AFDN: variants seen among roughly 807,000 people sequenced by gnomAD.
AFDN encodes the protein afadin.
AFDN carries 68 observed loss-of-function variants against 216.6 expected under a neutral mutation model. The ratio of observed to expected loss-of-function variants is 0.31; its 90% confidence interval spans 0.26 to 0.38. AFDN has a LOEUF of 0.38. Ranked by LOEUF, AFDN falls within the 10% of genes least tolerant of loss-of-function variation. The pLI is 1.00. For missense variants in AFDN, 2,136 were observed against 2,342.0 expected (o/e 0.91, Z 1.82); for synonymous variants, 868 against 853.7 (o/e 1.02, Z -0.29).
chr6:167,955,314 C>T (rs996088199), intron 30 of AFDN, among the ~76,000 whole-genome samples: 3 of 152,098 alleles, frequency 2.0e-5, no homozygotes, highest in African/African-American at 7.2e-5. Context: ...CTCAGTTTAG[C>T]ACAGCGGTAA....
At chr6:167,877,100 G>C (rs952675304) in intron 5 of AFDN, among the ~76,000 whole-genome samples, 5 of 152,190 alleles carry the variant, frequency 3.3e-5, no homozygotes, top group African/African-American at 1.2e-4. Context: ...CAGTGGGACT[G>C]TAAAGAGAGA....
intron 13 of AFDN, among the ~76,000 whole-genome samples, chr6:167,908,522 CTA>C (rs1259653642): frequency 1.3e-5 from 2 of 152,072 alleles, no homozygotes; most frequent in Non-Finnish European, 2.9e-5. Context: ...AGGAATACCT[CTA>C]TGTATTTCTA....
At chr6:167,893,993 T>C (rs1336619279) in intron 9 of AFDN, 87 bp downstream of exon 9, 10 of 1,004,518 alleles carry the variant, frequency 1.0e-5, no homozygotes, top group East Asian at 2.6e-5. Flanking sequence ...AAATATCTTA[T>C]GTATCAGTTT....
chr6:167,957,406 C>T (rs897060767), intron 30 of AFDN, among the ~76,000 whole-genome samples: 1 of 152,286 alleles, frequency 6.6e-6, no homozygotes, highest in Middle Eastern at 3.4e-3. Flanking sequence ...TGAGTGGGAT[C>T]GGATTCCAGG....
chr6:167,848,725 T>C (rs990501437), intron 1 of AFDN, among the ~76,000 whole-genome samples: 16 of 152,252 alleles, frequency 1.1e-4, no homozygotes, highest in Non-Finnish European at 1.5e-4. Flanking sequence ...TTTGTTGATA[T>C]GCTCTAAAGT....
At chr6:167,868,762 CTTTTT>C (rs35300672) in intron 2 of AFDN, among the ~76,000 whole-genome samples, 2 of 122,560 alleles carry the variant, frequency 1.6e-5, no homozygotes, top group Admixed American at 8.9e-5. Context: ...ATTGTGCAAT[CTTTTT>C]TTTTTTTTTT....
chr6:167,870,788 T>C (rs1784703542), intron 3 of AFDN, among the ~76,000 whole-genome samples: 1 of 152,168 alleles, frequency 6.6e-6, no homozygotes, highest in South Asian at 2.1e-4. Flanking sequence ...ATTTTTTTTT[T>C]CCAAAATATA....
Position 167,875,510 on chromosome 6 carries a change from T to C in AFDN, c.739+15T>C. 1 of 1,612,374 alleles carries C rather than the reference T, an allele frequency of 6.2e-7. No homozygotes were observed. Among genetic ancestry groups the C allele is most frequent in the Non-Finnish European group, 8.5e-7 (1 of 1,179,134 alleles). ...GCCTGATTCAGGTACAACTTGGTATTTTTTCTCTGTTCTACCTGTTACAAA... is the reference window on the plus strand; with the variant it reads ...GCCTGATTCAGGTACAACTTGGTATCTTTTCTCTGTTCTACCTGTTACAAA... On this transcript the variant is annotated intron_variant, in intron 5 of 33. Transcript: ENST00000683244.
At position 167,875,417 on chromosome 6, in the gene AFDN, GT is replaced by G; in HGVS notation, c.663del (p.Met222Ter). On this transcript the variant is annotated frameshift_variant, in exon 5 of 34. Coordinates refer to ENST00000683244, the MANE Select transcript of AFDN (RefSeq NM_001386888.1). LOFTEE classifies it high-confidence loss of function. Reference protein sequence around the residue: ...FTRTISNPEVVMKRRRQQKLE... With the variant: ...FTRTISNPEVXMKRRRQQKLE... ...TCGAACCATTTCTAATCCTGAGGTG[GT>G]TATGAAACGACGGAGGCAGCAAAAA... 6.2e-7 allele frequency: 1 copy of G among 1,614,032 alleles called. No individual in the cohort carries two copies.
intron 2 of AFDN, among the ~76,000 whole-genome samples, chr6:167,865,107 TA>T (rs779027448): frequency 1.1e-4 from 17 of 151,906 alleles, no homozygotes; most frequent in Non-Finnish European, 2.4e-4. Context: ...GAGATTATAA[TA>T]ATTGTAACAC....
At chr6:167,955,363 C>T (rs1053645038) in intron 30 of AFDN, among the ~76,000 whole-genome samples, 1 of 152,160 alleles carries the variant, frequency 6.6e-6, no homozygotes, top group African/African-American at 2.4e-5. Context: ...AAACACCTTC[C>T]CTCCTTGGTG....
Position 167,928,816 on chromosome 6 carries a change from T to C in AFDN, c.3099+3725T>C, listed in dbSNP as rs377131482. Among the ~76,000 whole-genome samples, 118 of 152,290 alleles carry C rather than the reference T, an allele frequency of 7.7e-4. No individual in the cohort carries two copies. In the Middle Eastern group the frequency reaches 0.01, roughly 13 times the overall value. ...ATCCCTAATCCCCTCTTCTGTGGGGTGTGAAGTCCCCTGAGCTGCTGTATG... is the reference window on the plus strand; with the variant it reads ...ATCCCTAATCCCCTCTTCTGTGGGGCGTGAAGTCCCCTGAGCTGCTGTATG... On this transcript the variant is annotated intron_variant, in intron 23 of 33. Transcript: ENST00000683244.
intron 22 of AFDN, among the ~76,000 whole-genome samples, chr6:167,923,813 C>T (rs1464061973): frequency 1.3e-5 from 2 of 151,714 alleles, no homozygotes; most frequent in African/African-American, 2.4e-5. Context: ...TTAGTAGAGA[C>T]GGGGATTCAC....
chr6:167,946,700 A>T lies in AFDN; in HGVS notation c.3359-7A>T. On this transcript the variant is annotated splice_polypyrimidine_tract_variant and splice_region_variant and intron_variant, in intron 26 of 33. Transcript: ENST00000683244. ...CTTAAGAGATACTGAATATGCTTTG[A>T]TTCCAGTTTCAGATCGTCGTGGCTC... 6.2e-7 allele frequency: 1 copy of T among 1,612,790 alleles called. No homozygotes were observed. The highest frequency in any genetic ancestry group is 1.1e-5 in the South Asian group (1 of 90,878).
intron 28 of AFDN, 146 bp from the exon 29 acceptor site, chr6:167,948,147 G>GT: frequency 1.2e-6 from 1 of 804,594 alleles, no homozygotes; most frequent in East Asian, 2.7e-5. Context: ...AAAATGAAAT[G>GT]TTATTTATTC....
intron 1 of AFDN, among the ~76,000 whole-genome samples, chr6:167,830,183 C>T (rs1779669394): frequency 6.6e-6 from 1 of 152,126 alleles, no homozygotes; most frequent in South Asian, 2.1e-4. Flanking sequence ...TTAGGGATTC[C>T]TGGATAATTA....
Position 167,946,803 on chromosome 6 carries a change from A to C in AFDN, c.3455A>C (p.Gln1152Pro). ...CAAAATGGGTCTCCTGAGAGTCCTC[A>C]GCTGCCTTGGGCAGAATATAGTGAA... ...STQNGSPESP[Q>P]LPWAEYSEPK... is the part of the protein sequence containing the mutation. Residue 1152 changes from glutamine (Q) to proline (P), a missense_variant, in exon 27 of 34, where the codon CAG becomes CCG. Physicochemically the swap from Gln to Pro is moderately conservative, Grantham distance 76. Around this residue, in one of 8 missense-constraint regions of AFDN, gnomAD observed 981 missense variants for 966.0 expected, o/e 1.02. Coordinates refer to ENST00000683244, the MANE Select transcript of AFDN (RefSeq NM_001386888.1). 6.2e-7 allele frequency: 1 copy of C among 1,613,650 alleles called. No individual in the cohort carries two copies. Among genetic ancestry groups the C allele is most frequent in the Non-Finnish European group, 8.5e-7 (1 of 1,179,868 alleles).
chr6:167,826,873 CGCGGGCGGGT>C (rs1052769432), upstream of AFDN: 10 of 137,122 alleles, frequency 7.3e-5, no homozygotes, highest in Admixed American at 7.1e-5. Context: ...GCGGGCGGGG[CGCGGGCGGGT>C]GCGGGCGGCG....
At chr6:167,877,271 TTGTTTA>T (rs1287512313) in intron 5 of AFDN, among the ~76,000 whole-genome samples, 1 of 152,146 alleles carries the variant, frequency 6.6e-6, no homozygotes, top group African/African-American at 2.4e-5. Context: ...AAGGTAGGTT[TTGTTTA>T]TGTTTGTCAC....
Sources: gnomAD v4.1 joint callset for allele counts (sites outside exome capture counted in the v4.1 genomes callset) on GRCh38, gnomAD v4.1.1 for gene constraint, gnomAD v4.1.1 regional missense constraint, MANE v1.5 for transcripts, NCBI Gene and HGNC (gene_info 2026-07-23, HGNC 2026-07-21) for gene names.